Variants in FAM117A observed in about 807,000 individuals in gnomAD.
FAM117A encodes the protein family with sequence similarity 117 member A.
Under a neutral mutation model 44.1 loss-of-function variants are expected in FAM117A, and 21 were observed. That is an observed-to-expected ratio of 0.48 (90% CI 0.34 to 0.69). The LOEUF (loss-of-function observed/expected upper bound fraction) is 0.69, where lower values mean the gene tolerates loss of function less well. Ranked by LOEUF, FAM117A falls within the 30% of genes least tolerant of loss-of-function variation. FAM117A has a pLI of 0.01. For missense variants in FAM117A, 498 were observed against 589.9 expected, an observed-to-expected ratio of 0.84 and a Z score of 1.61; for synonymous variants, 220 against 238.3, an observed-to-expected ratio of 0.92 and a Z score of 0.71.
At chr17:49,730,677 G>A (rs1258618773) in intron 2 of FAM117A, among the ~76,000 whole-genome samples, 2 of 152,146 alleles carry the variant, frequency 1.3e-5, no homozygotes, top group Non-Finnish European at 2.9e-5. Context: ...AAAAGACAAA[G>A]TTATGTGTGC....
rs11868082 is a variant in FAM117A, at chr17:49,718,974, A to C, written c.708+786T>G. On this transcript the variant is annotated intron_variant, in intron 5 of 7. Transcript: ENST00000240364. ...CCTGGCGACCAGAGCGAGACTCTCC[A>C]AAAAAAAAAAAAAGGCCGGTGGCTC... is the stretch of plus-strand genomic sequence containing the variant. 4.2e-3 allele frequency among the ~76,000 whole-genome samples: 450 copies of C among 106,354 alleles called. 1 individual carries two copies. The highest frequency in any genetic ancestry group is 0.014 in the Middle Eastern group (2 of 142). The allele number at this position is 106,354 out of a possible 152,430, so 69.8% of individuals were successfully genotyped here. A position where few individuals can be genotyped will look rare whatever the true frequency, so the allele number is the denominator to read the frequency against.
chr17:49,721,702 T>C (rs1488900259), intron 3 of FAM117A, among the ~76,000 whole-genome samples: 1 of 152,204 alleles, frequency 6.6e-6, no homozygotes, highest in Non-Finnish European at 1.5e-5. Context: ...TACGGCTTTC[T>C]CCCCTTAACC....
At chr17:49,756,408 C>A (rs780222188) in intron 1 of FAM117A, among the ~76,000 whole-genome samples, 13 of 152,064 alleles carry the variant, frequency 8.5e-5, no homozygotes, top group Non-Finnish European at 1.5e-4. Context: ...TAATAAGAGA[C>A]TCAAGTGGCA....
upstream of FAM117A, chr17:49,788,723 C>T (rs999285178): frequency 1.9e-5 from 23 of 1,195,038 alleles, no homozygotes; most frequent in South Asian, 2.5e-4. Context: ...CACTAGGGAT[C>T]GTCCGCAGGA....
intron 5 of FAM117A, among the ~76,000 whole-genome samples, chr17:49,719,076 AG>A (rs2073520274): frequency 6.6e-6 from 1 of 152,172 alleles, no homozygotes; most frequent in Admixed American, 6.5e-5. Flanking sequence ...AGCCTGGCAA[AG>A]ATGGTGAAAC....
chr17:49,778,216 T>C (rs2073780221), intron 1 of FAM117A, among the ~76,000 whole-genome samples: 1 of 152,230 alleles, frequency 6.6e-6, no homozygotes, highest in African/African-American at 2.4e-5. Context: ...CTACCTTATT[T>C]ATCCTTCCAC....
chr17:49,719,568 C>A, intron 5 of FAM117A, 192 bp downstream of exon 5: 1 of 641,442 alleles, frequency 1.6e-6, no homozygotes, highest in South Asian at 2.7e-5. Flanking sequence ...AAAGCCTGCC[C>A]TAGTGACATG....
chr17:49,770,295 T>C (rs1438414446), intron 1 of FAM117A, among the ~76,000 whole-genome samples: 1 of 138,556 alleles, frequency 7.2e-6, no homozygotes, highest in Non-Finnish European at 1.5e-5. Context: ...AAAAAAAGGA[T>C]TTAGATGGAG....
intron 7 of FAM117A, among the ~76,000 whole-genome samples, chr17:49,712,119 C>T (rs1181337443): frequency 6.6e-6 from 1 of 152,180 alleles, no homozygotes; most frequent in Non-Finnish European, 1.5e-5. Context: ...GCACTCCAGC[C>T]TGGGCAACAG....
At position 49,716,285 on chromosome 17, in the gene FAM117A, T is replaced by C. The variant is rs753882843; in HGVS notation, c.941A>G (p.Glu314Gly). 1 of 1,605,590 alleles carries C rather than the reference T, an allele frequency of 6.2e-7. No homozygotes were observed. Among genetic ancestry groups the C allele is most frequent in the Non-Finnish European group, 8.5e-7 (1 of 1,175,526 alleles). The change falls in exon 7 of 8, where the codon GAA becomes GGA. Residue 314 changes from glutamate to glycine, a missense_variant. Glu to Gly is a moderately conservative substitution (Grantham distance 98, BLOSUM62 -2). This residue lies in a region of FAM117A where 224 missense variants were observed against 296.5 expected (regional missense o/e 0.76). Transcript: ENST00000240364. ...AAGGACTGGAGATGGGCTGCCATCT[T>C]CAAGAAAGGCTGGGTGTCCTGGAGA... ...ASSPGHPAFL[E>G]DGSPSPVLAF...
intron 1 of FAM117A, among the ~76,000 whole-genome samples, chr17:49,758,111 C>G (rs977360125): frequency 2.0e-5 from 3 of 149,238 alleles, no homozygotes; most frequent in African/African-American, 7.4e-5. Context: ...GGTGGATCAC[C>G]TGAGGTCAGA....
intron 1 of FAM117A, among the ~76,000 whole-genome samples, chr17:49,735,376 C>A (rs2073606313): frequency 1.3e-5 from 2 of 150,866 alleles, no homozygotes; most frequent in South Asian, 2.1e-4. Flanking sequence ...GGCAACACAG[C>A]AAGACTCCGT....
upstream of FAM117A, among the ~76,000 whole-genome samples, chr17:49,768,889 T>C (rs1161793061): frequency 2.0e-5 from 3 of 152,200 alleles, no homozygotes; most frequent in African/African-American, 4.8e-5. Context: ...TGCTGTCTTC[T>C]TAGCTCTCTC....
chr17:49,735,193 C>T (rs2073605321), intron 1 of FAM117A, among the ~76,000 whole-genome samples: 1 of 152,016 alleles, frequency 6.6e-6, no homozygotes, highest in Non-Finnish European at 1.5e-5. Flanking sequence ...AAAAAAAGGA[C>T]ACTAACTGAC....
chr17:49,719,082 T>A (rs2073520327), intron 5 of FAM117A, among the ~76,000 whole-genome samples: 1 of 149,758 alleles, frequency 6.7e-6, no homozygotes, highest in South Asian at 2.1e-4. Context: ...GCAAAGATGG[T>A]GAAACCCCAT....
upstream of FAM117A, chr17:49,765,788 G>GA (rs1022770835): frequency 5.9e-5 from 9 of 152,118 alleles, no homozygotes; most frequent in Admixed American, 5.9e-4. Context: ...TAACTCAGTT[G>GA]AAAAAAGATA....
chr17:49,772,972 C>T (rs2073765603), intron 1 of FAM117A, among the ~76,000 whole-genome samples: 1 of 152,044 alleles, frequency 6.6e-6, no homozygotes, highest in Admixed American at 6.6e-5. Context: ...GAGTTCAAGA[C>T]CAGCCTGACC....
chr17:49,759,176 T>C (rs1396745918), intron 1 of FAM117A, among the ~76,000 whole-genome samples: 2 of 152,246 alleles, frequency 1.3e-5, no homozygotes, highest in Non-Finnish European at 2.9e-5. Context: ...GTTTAAGATC[T>C]CTTAGCTCTA....
chr17:49,777,838 C>T (rs751731475), intron 1 of FAM117A, among the ~76,000 whole-genome samples: 3 of 152,112 alleles, frequency 2.0e-5, no homozygotes, highest in African/African-American at 7.2e-5. Flanking sequence ...CACCACCTTC[C>T]GGGATTTTCC....
Sources: gnomAD v4.1 joint callset for allele counts (sites outside exome capture counted in the v4.1 genomes callset) on GRCh38, gnomAD v4.1.1 for gene constraint, gnomAD v4.1.1 regional missense constraint, MANE v1.5 for transcripts, NCBI Gene and HGNC (gene_info 2026-07-23, HGNC 2026-07-21) for gene names.